The following GSAP variants were observed in gnomAD, a reference collection of about 807,000 sequenced individuals.
GSAP encodes the protein gamma-secretase-activating protein.
Under a neutral mutation model 131.7 loss-of-function variants are expected in GSAP, and 118 were observed. The ratio of observed to expected loss-of-function variants is 0.90; its 90% CI spans 0.77 to 1.04. The LOEUF is 1.04. Ranked by LOEUF, GSAP falls within the 50% of genes least tolerant of loss-of-function variation. GSAP has a pLI of 0.00. For missense variants in GSAP, 1,019 were observed against 1,013.2 expected, an observed-to-expected ratio of 1.01 and a Z score of -0.08; for synonymous variants, 381 against 363.4, an observed-to-expected ratio of 1.05 and a Z score of -0.55.
chr7:77,334,580 T>TAAAAAAAAAAA (rs57442782), intron 19 of GSAP, among the ~76,000 whole-genome samples: 2 of 81,924 alleles, frequency 2.4e-5, no homozygotes, highest in African/African-American at 9.9e-5. Flanking sequence ...ACTTAAAATT[T>TAAAAAAAAAAA]AAAAAAAAAA....
At position 77,330,588 on chromosome 7, in the gene GSAP, T is replaced by G. The variant is rs574850542; in HGVS notation, c.1546-221A>C. The G allele has an allele frequency of 1.8e-4, 198 of 1,098,298 alleles. 2 individuals carry two copies. In the African/African-American group the frequency reaches 2.0e-3, roughly 11 times the overall value. The allele number at this position is 1,098,298 out of a possible 1,614,324, so 68.0% of individuals were successfully genotyped here. On this transcript the variant is annotated intron_variant, in intron 19 of 30. Transcript: ENST00000257626. ...TTTTCTGTCTCTTTTTTTTTTTTTT[T>G]TTTTTGTCGTTGTTTTTTTAAACCA...
At chr7:77,395,438 G>A (rs1800210334) in intron 5 of GSAP, among the ~76,000 whole-genome samples, 1 of 152,144 alleles carries the variant, frequency 6.6e-6, no homozygotes, top group Admixed American at 6.6e-5. Flanking sequence ...TAATGTCCCA[G>A]ATCGTATTTC....
chr7:77,378,747 T>G (rs1325470502), intron 8 of GSAP, among the ~76,000 whole-genome samples: 1 of 152,218 alleles, frequency 6.6e-6, no homozygotes, highest in Non-Finnish European at 1.5e-5. Context: ...ATCCTCCCAG[T>G]GCCCTTTCAG....
rs944285307 is a variant in GSAP, at chr7:77,396,981, C to G, written c.367+1G>C. The G allele has an allele frequency of 7.0e-6, 11 of 1,578,848 alleles. No homozygotes were observed. In the Admixed American group the frequency reaches 1.7e-4, roughly 24 times the overall value. ...GGTACTAAAAAGTGTAATTTCATTA[C>G]CTGGTTGAAGTTCGTTCCTTTTTCC... On this transcript the variant is annotated splice_donor_variant, in intron 5 of 30. Coordinates refer to ENST00000257626, the MANE Select transcript of GSAP (RefSeq NM_017439.4). LOFTEE classifies it high-confidence loss of function.
At chr7:77,371,573 T>C (rs904668578) in intron 12 of GSAP, among the ~76,000 whole-genome samples, 2 of 152,062 alleles carry the variant, frequency 1.3e-5, no homozygotes, top group Non-Finnish European at 2.9e-5. Context: ...TAGCTGGGAC[T>C]ACAGGCACGT....
At chr7:77,389,069 A>G (rs1444380705) in intron 5 of GSAP, among the ~76,000 whole-genome samples, 2 of 152,168 alleles carry the variant, frequency 1.3e-5, no homozygotes, top group Non-Finnish European at 2.9e-5. Context: ...CATTGGTGTC[A>G]AAGATATTTG....
intron 18 of GSAP, among the ~76,000 whole-genome samples, chr7:77,352,523 A>G (rs1402903934): frequency 6.6e-6 from 1 of 152,210 alleles, no homozygotes; most frequent in Non-Finnish European, 1.5e-5. Context: ...GAAGCTCTAG[A>G]GTTATTACAG....
chr7:77,311,820 G>A, intron 30 of GSAP, 21 bp downstream of exon 30: 1 of 1,134,284 alleles, frequency 8.8e-7, no homozygotes, highest in Non-Finnish European at 1.3e-6. Flanking sequence ...GTAAGACCCT[G>A]AGAACAGGGG....
intron 6 of GSAP, among the ~76,000 whole-genome samples, chr7:77,386,323 AT>A (rs1423456038): frequency 7.2e-5 from 11 of 152,244 alleles, no homozygotes; most frequent in African/African-American, 2.2e-4. Context: ...ACACTCGTGT[AT>A]ACTAACTATC....
intron 18 of GSAP, among the ~76,000 whole-genome samples, chr7:77,350,380 A>G (rs1025913084): frequency 1.3e-5 from 2 of 150,592 alleles, no homozygotes; most frequent in African/African-American, 4.9e-5. Context: ...ATATGTAACT[A>G]ACCTGCACAT....
chr7:77,392,320 G>T (rs1454645595), intron 5 of GSAP, among the ~76,000 whole-genome samples: 2 of 151,956 alleles, frequency 1.3e-5, no homozygotes, highest in African/African-American at 4.8e-5. Flanking sequence ...GGCTGAGGTG[G>T]GCGGATTCCC....
intron 1 of GSAP, among the ~76,000 whole-genome samples, chr7:77,412,571 C>T (rs1193069551): frequency 6.6e-6 from 1 of 151,928 alleles, no homozygotes; most frequent in Admixed American, 6.6e-5. Context: ...ACAGAAGTGA[C>T]AGATTGAGAG....
At position 77,387,461 on chromosome 7, in the gene GSAP, G is replaced by C. The variant is rs767127209; in HGVS notation, c.368-13C>G. ...AAGCACTTTGATCCTACAGAGAAAA[G>C]AAGGCTTTTAGTAACGAAGATTGTA... On this transcript the variant is annotated splice_polypyrimidine_tract_variant and intron_variant, in intron 5 of 30. Coordinates refer to ENST00000257626, the MANE Select transcript of GSAP (RefSeq NM_017439.4). 7.5e-6 allele frequency: 11 copies of C among 1,457,502 alleles called. No homozygotes were observed. The highest frequency in any genetic ancestry group is 1.1e-5 in the Non-Finnish European group (11 of 1,038,852). 90.3% of individuals were successfully genotyped at this position (1,457,502 alleles called of 1,614,324 possible).
chr7:77,396,926 T>C, intron 5 of GSAP, 56 bp downstream of exon 5: 1 of 884,418 alleles, frequency 1.1e-6, no homozygotes, highest in Non-Finnish European at 1.8e-6. Flanking sequence ...GTATAATAAA[T>C]CATCTACCAA....
intron 12 of GSAP, among the ~76,000 whole-genome samples, chr7:77,370,267 G>A (rs1795927081): frequency 6.6e-6 from 1 of 152,242 alleles, no homozygotes; most frequent in South Asian, 2.1e-4. Flanking sequence ...AGACCAGCGT[G>A]GCCAACATGG....
intron 3 of GSAP, among the ~76,000 whole-genome samples, chr7:77,402,537 G>T (rs550213584): frequency 2.7e-4 from 36 of 134,438 alleles, no homozygotes; most frequent in African/African-American, 9.2e-4. Context: ...GGAGGTTGCA[G>T]TGAGCTGAGA....
In GSAP at chr7:77,346,905, A is replaced by T. The variant is rs1244855542; in HGVS notation, c.1545+2446T>A. Reference sequence around the variant, plus strand: ...TCCTGCCTTCCTTTCACCTGCCCTAAGGCATGACTCTCCCCTCCACCACTC... The same window carrying T: ...TCCTGCCTTCCTTTCACCTGCCCTATGGCATGACTCTCCCCTCCACCACTC... On this transcript the variant is annotated intron_variant, in intron 19 of 30. Coordinates refer to ENST00000257626, the MANE Select transcript of GSAP (RefSeq NM_017439.4). 4.0e-5 allele frequency among the ~76,000 whole-genome samples: 6 copies of T among 151,672 alleles called. No homozygotes were observed. In the East Asian group the frequency reaches 1.2e-3, roughly 29 times the overall value.
chr7:77,403,785 G>C (rs1801781375), intron 3 of GSAP, among the ~76,000 whole-genome samples: 1 of 152,190 alleles, frequency 6.6e-6, no homozygotes, highest in African/African-American at 2.4e-5. Context: ...AGGTCTAAGA[G>C]ACCTCACCTC....
chr7:77,390,887 T>G (rs1362407254), intron 5 of GSAP, among the ~76,000 whole-genome samples: 1 of 136,234 alleles, frequency 7.3e-6, no homozygotes, highest in Non-Finnish European at 1.5e-5. Context: ...AGGCGGAAGT[T>G]GCAGTGAGCC....
Sources: gnomAD v4.1 joint callset for allele counts (sites outside exome capture counted in the v4.1 genomes callset) on GRCh38, gnomAD v4.1.1 for gene constraint, MANE v1.5 for transcripts, NCBI Gene and HGNC (gene_info 2026-07-23, HGNC 2026-07-21) for gene names.